The following RBMS1 variants were observed in gnomAD, a reference collection of about 807,000 sequenced individuals.
RBMS1 encodes the protein RNA binding motif single stranded interacting protein 1.
Under a neutral mutation model 62.3 loss-of-function variants are expected in RBMS1, and 17 were observed. The observed-to-expected ratio is 0.27, with a 90% CI of 0.19 to 0.41. RBMS1 has a LOEUF of 0.41. RBMS1 is among the 10% of genes least tolerant of loss of function. The pLI is 1.00. For missense variants in RBMS1, 334 were observed against 504.5 expected (o/e 0.66, Z 3.24); for synonymous variants, 172 against 170.0 (o/e 1.01, Z -0.09).
chr2:160,462,788 G>A (rs1684521321), intron 1 of RBMS1, among the ~76,000 whole-genome samples: 1 of 152,056 alleles, frequency 6.6e-6, no homozygotes, highest in South Asian at 2.1e-4. Flanking sequence ...GCAGAGATGG[G>A]GTTTTACCAT....
intron 6 of RBMS1, among the ~76,000 whole-genome samples, chr2:160,290,092 T>A (rs1236756300): frequency 7.3e-6 from 1 of 137,518 alleles, no homozygotes. Context: ...AAATGAGAGA[T>A]CCTCATTTGG....
intron 1 of RBMS1, 81 bp downstream of exon 1, chr2:160,493,208 C>G: frequency 7.4e-7 from 1 of 1,347,880 alleles, no homozygotes; most frequent in Non-Finnish European, 1.0e-6. Context: ...GTTCGCCGCG[C>G]GCCCCCCTCC....
At chr2:160,398,614 G>A (rs1695269453) in intron 1 of RBMS1, among the ~76,000 whole-genome samples, 1 of 152,062 alleles carries the variant, frequency 6.6e-6, no homozygotes, top group African/African-American at 2.4e-5. Flanking sequence ...CCTGGTGTCT[G>A]GACACCAGTA....
At chr2:160,367,096 T>C (rs1343571625) in intron 2 of RBMS1, 120 bp downstream of exon 2, 2 of 974,396 alleles carry the variant, frequency 2.1e-6, no homozygotes, top group African/African-American at 1.6e-5. Context: ...TTTATTGTTG[T>C]GACACTGAGA....
intron 1 of RBMS1, chr2:160,407,573 C>G: frequency 1.1e-5 from 11 of 983,890 alleles, no homozygotes; most frequent in Non-Finnish European, 1.3e-5. Flanking sequence ...CGGGCGCGGG[C>G]GCGGGGCAGC....
chr2:160,300,528 C>A, intron 6 of RBMS1, 123 bp downstream of exon 6: 1 of 1,304,318 alleles, frequency 7.7e-7, no homozygotes, highest in Non-Finnish European at 1.0e-6. Context: ...TTTCTAAATC[C>A]AACAAAATGC....
intron 1 of RBMS1, among the ~76,000 whole-genome samples, chr2:160,492,723 T>C (rs2105371895): frequency 6.6e-6 from 1 of 152,200 alleles, no homozygotes; most frequent in South Asian, 2.1e-4. Context: ...CGCACAAAGA[T>C]CAGAGGCGAG....
intron 2 of RBMS1, among the ~76,000 whole-genome samples, chr2:160,331,254 T>C (rs1435931993): frequency 6.6e-6 from 1 of 152,198 alleles, no homozygotes; most frequent in Non-Finnish European, 1.5e-5. Flanking sequence ...TATATCGCTA[T>C]ACAGGTCCCT....
At chr2:160,435,248 T>G (rs537610741) in intron 1 of RBMS1, among the ~76,000 whole-genome samples, 1 of 152,192 alleles carries the variant, frequency 6.6e-6, no homozygotes. Flanking sequence ...TTAATTGGGG[T>G]TTTATCTCTT....
intron 3 of RBMS1, among the ~76,000 whole-genome samples, chr2:160,317,043 A>C (rs1167346347): frequency 6.6e-6 from 1 of 152,108 alleles, no homozygotes; most frequent in African/African-American, 2.4e-5. Context: ...ATTGGGTACC[A>C]CTCTACATAA....
intron 1 of RBMS1, among the ~76,000 whole-genome samples, chr2:160,393,499 C>T (rs554836472): frequency 3.9e-5 from 6 of 152,174 alleles, no homozygotes; most frequent in South Asian, 2.1e-4. Flanking sequence ...CCAAGCTGGC[C>T]GGGCGCGGTG....
intron 1 of RBMS1, among the ~76,000 whole-genome samples, chr2:160,382,272 G>C (rs1057394906): frequency 6.6e-6 from 1 of 152,194 alleles, no homozygotes; most frequent in African/African-American, 2.4e-5. Context: ...GGGGAGAAAT[G>C]CATTAATCAT....
At chr2:160,373,227 CAATT>C (rs1693825960) in intron 1 of RBMS1, among the ~76,000 whole-genome samples, 1 of 152,106 alleles carries the variant, frequency 6.6e-6, no homozygotes, top group Non-Finnish European at 1.5e-5. Flanking sequence ...ATATGTTTCA[CAATT>C]AATTCTCAAA....
At chr2:160,321,200 A>T (rs1276226237) in intron 2 of RBMS1, among the ~76,000 whole-genome samples, 1 of 152,162 alleles carries the variant, frequency 6.6e-6, no homozygotes, top group Non-Finnish European at 1.5e-5. Flanking sequence ...AATGCAAGCC[A>T]TGCCACACCC....
intron 1 of RBMS1, among the ~76,000 whole-genome samples, chr2:160,376,427 G>A (rs1694003319): frequency 1.3e-5 from 2 of 152,010 alleles, no homozygotes; most frequent in Non-Finnish European, 2.9e-5. Context: ...AATCTTATCT[G>A]ACAATGTTGT....
intron 1 of RBMS1, among the ~76,000 whole-genome samples, chr2:160,437,942 C>T (rs1480693614): frequency 1.1e-5 from 1 of 93,700 alleles, no homozygotes; most frequent in Non-Finnish European, 2.2e-5. Flanking sequence ...TCTTAAAAGG[C>T]AGGAGAATCA....
In RBMS1 at chr2:160,328,991, G is replaced by T. The variant is rs145458560; in HGVS notation, c.252-10764C>A. ...AGTTATCTGAAGCTATTAAAACAGTGTGCAAAATTACCTAGAAATTTCTCT... is the reference window on the plus strand; with the variant it reads ...AGTTATCTGAAGCTATTAAAACAGTTTGCAAAATTACCTAGAAATTTCTCT... On this transcript the variant is annotated intron_variant, in intron 2 of 13. Coordinates refer to ENST00000348849, the MANE Select transcript of RBMS1 (RefSeq NM_016836.4). Among the ~76,000 whole-genome samples the T allele has an allele frequency of 2.6e-5, 4 of 152,258 alleles. No individual in the cohort carries two copies. In the East Asian group the frequency reaches 7.7e-4, roughly 29 times the overall value.
At chr2:160,443,630 C>T (rs537575221) in intron 1 of RBMS1, among the ~76,000 whole-genome samples, 5 of 152,046 alleles carry the variant, frequency 3.3e-5, no homozygotes, top group East Asian at 1.9e-4. Flanking sequence ...CCTTCTGTCA[C>T]GAGTCAAAGC....
chr2:160,293,311 A>G (rs1212818124), intron 6 of RBMS1, among the ~76,000 whole-genome samples: 4 of 152,178 alleles, frequency 2.6e-5, no homozygotes, highest in Non-Finnish European at 5.9e-5. Context: ...TAATATCACT[A>G]TACACACAGA....
Sources: gnomAD v4.1 joint callset for allele counts (sites outside exome capture counted in the v4.1 genomes callset) on GRCh38, gnomAD v4.1.1 for gene constraint, MANE v1.5 for transcripts, NCBI Gene and HGNC (gene_info 2026-07-23, HGNC 2026-07-21) for gene names.